Variants in SRP9 observed in about 807,000 individuals in gnomAD.
SRP9 encodes signal recognition particle 9.
A neutral mutation model predicts 11.7 loss-of-function variants in SRP9; 2 were observed. The ratio of observed to expected loss-of-function variants is 0.17; its 90% CI spans 0.07 to 0.54. SRP9 has a LOEUF of 0.54. Among genes scored for constraint, SRP9 ranks in the 20% least tolerant of loss-of-function variants. The pLI, the probability that SRP9 is intolerant of heterozygous loss-of-function variation, is 0.94. For synonymous variants in SRP9, 27 were observed against 35.6 expected (o/e 0.76, Z 0.86); for missense variants, 54 against 108.1 (o/e 0.50, Z 2.22).
chr1:225,783,997 A>G (rs1575953049), intron 2 of SRP9, among the ~76,000 whole-genome samples: 5 of 150,032 alleles, frequency 3.3e-5, no homozygotes, highest in African/African-American at 1.2e-4. Context: ...TTCTTTGCTG[A>G]TTGTTTTTTT....
intron 1 of SRP9, among the ~76,000 whole-genome samples, chr1:225,780,353 TG>T (rs1403784013): frequency 6.6e-6 from 1 of 151,472 alleles, no homozygotes; most frequent in African/African-American, 2.4e-5. Flanking sequence ...AGAGGATGAG[TG>T]TAGAGGAAGA....
At chr1:225,784,878 TC>T (rs1424060610) in intron 2 of SRP9, among the ~76,000 whole-genome samples, 1 of 152,046 alleles carries the variant, frequency 6.6e-6, no homozygotes, top group Non-Finnish European at 1.5e-5. Flanking sequence ...CTTCTTCTGT[TC>T]CTACCTTCCT....
chr1:225,782,101 C>T (rs889354091), intron 1 of SRP9, among the ~76,000 whole-genome samples: 4 of 151,956 alleles, frequency 2.6e-5, no homozygotes, highest in African/African-American at 9.7e-5. Flanking sequence ...AGATTGTAAC[C>T]ATTTTAAAAT....
Position 225,783,308 on chromosome 1 carries a change from G to A in SRP9, c.81G>A (p.Val27=), listed in dbSNP as rs1665835226. 2.5e-6 allele frequency: 4 copies of A among 1,611,590 alleles called. No homozygotes were observed. The highest frequency in any genetic ancestry group is 3.4e-6 in the Non-Finnish European group (4 of 1,178,540). Residue 27 remains valine, a synonymous_variant, in exon 2 of 3, where the codon GTG becomes GTA. Coordinates refer to ENST00000304786, the MANE Select transcript of SRP9 (RefSeq NM_003133.6). Reference sequence around the variant, plus strand: ...ATGTATTTTTGTTTCAGGCACGTGTGGTTCTCAAATATAGGCATTCTGATG... The same window carrying A: ...ATGTATTTTTGTTTCAGGCACGTGTAGTTCTCAAATATAGGCATTCTGATG... ...LYLADPMKAR[V]VLKYRHSDGN...
intron 2 of SRP9, chr1:225,786,753 TA>T (rs933129680): frequency 3.4e-6 from 4 of 1,183,324 alleles, no homozygotes; most frequent in Admixed American, 3.3e-5. Context: ...ATAGTGATAG[TA>T]AAAAAATATA....
chr1:225,783,144 T>C (rs1289059222), intron 1 of SRP9, among the ~76,000 whole-genome samples, 156 bp from the exon 2 acceptor site: 1 of 152,248 alleles, frequency 6.6e-6, no homozygotes, highest in African/African-American at 2.4e-5. Context: ...TGATTTTTTT[T>C]TTAACTTCAT....
Position 225,784,724 on chromosome 1 carries a change from C to T in SRP9, c.141+1356C>T, listed in dbSNP as rs551608402. Among the ~76,000 whole-genome samples, 697 of 151,770 alleles carry T rather than the reference C, an allele frequency of 4.6e-3. 1 individual carries two copies. The highest frequency in any genetic ancestry group is 0.01 in the Middle Eastern group (3 of 294). On this transcript the variant is annotated intron_variant, in intron 2 of 2. Transcript: ENST00000304786. ...AGGCATGGTGGCGGGCACCTGTAGT[C>T]CCAGCTACTCAGGAGGCTGAGGCAG...
intron 1 of SRP9, 112 bp downstream of exon 1, chr1:225,778,124 C>T: frequency 8.7e-7 from 1 of 1,151,172 alleles, no homozygotes; most frequent in South Asian, 1.4e-5. Context: ...GGAATGAACA[C>T]AAATGGACCC....
chr1:225,784,546 G>C (rs561806256), intron 2 of SRP9, among the ~76,000 whole-genome samples: 2 of 151,632 alleles, frequency 1.3e-5, no homozygotes, highest in East Asian at 4.0e-4. Context: ...ACCCCACCCG[G>C]CCTATCATCT....
chr1:225,789,216 A>G lies in SRP9; in HGVS notation c.142-24A>G. On this transcript the variant is annotated intron_variant, in intron 2 of 2. Transcript: ENST00000304786. ...CAGTATCTAGTTTTATATAGTTAAT[A>G]TGTACTTCTAAAATTTCTGACAGTG... 5 of 1,604,576 alleles carry G rather than the reference A, an allele frequency of 3.1e-6. No individual in the cohort carries two copies. In the South Asian group the frequency reaches 5.6e-5, roughly 18 times the overall value.
chr1:225,788,677 G>A (rs1665964463), intron 2 of SRP9, among the ~76,000 whole-genome samples: 1 of 152,104 alleles, frequency 6.6e-6, no homozygotes, highest in Non-Finnish European at 1.5e-5. Flanking sequence ...GCCTCCCAGA[G>A]TGCTGGGATT....
chr1:225,780,418 T>G (rs1234502101), intron 1 of SRP9, among the ~76,000 whole-genome samples: 1 of 151,780 alleles, frequency 6.6e-6, no homozygotes. Context: ...TTGTTCTTGT[T>G]GCCCAGGCTG....
intron 2 of SRP9, 49 bp from the exon 3 acceptor site, chr1:225,789,191 C>A: frequency 6.3e-7 from 1 of 1,580,998 alleles, no homozygotes; most frequent in South Asian, 1.1e-5. Flanking sequence ...TCTACATTGT[C>A]AGTATCTAGT....
intron 2 of SRP9, among the ~76,000 whole-genome samples, chr1:225,787,442 C>T (rs768573805): frequency 6.6e-6 from 1 of 151,958 alleles, no homozygotes; most frequent in Admixed American, 6.6e-5. Context: ...GCAGGAGAAT[C>T]GCTTGAACCT....
Position 225,790,111 on chromosome 1 carries a change from T to G in SRP9, c.*752T>G, listed in dbSNP as rs1484159852. The stretch of plus-strand genomic sequence containing the variant: ...ATTACAGAAATATTTACTACATATT[T>G]TCCATCTGTAGTTTCTCAGAAGGGC... On this transcript the variant is annotated 3_prime_UTR_variant, in exon 3 of 3. Coordinates refer to ENST00000304786, the MANE Select transcript of SRP9 (RefSeq NM_003133.6). 1 of 152,200 alleles carries G rather than the reference T, an allele frequency of 6.6e-6. No homozygotes were observed. The highest frequency in any genetic ancestry group is 1.5e-5 in the Non-Finnish European group (1 of 68,032). The allele number at this position is 152,200 out of a possible 1,614,324, so 9.4% of individuals were successfully genotyped here.
At chr1:225,782,685 G>T (rs1430517337) in intron 1 of SRP9, among the ~76,000 whole-genome samples, 1 of 152,212 alleles carries the variant, frequency 6.6e-6, no homozygotes, top group Non-Finnish European at 1.5e-5. Context: ...TTCAGTATAG[G>T]AGTTATTCTG....
At chr1:225,782,238 A>G (rs1423804713) in intron 1 of SRP9, among the ~76,000 whole-genome samples, 1 of 151,940 alleles carries the variant, frequency 6.6e-6, no homozygotes, top group African/African-American at 2.4e-5. Context: ...ATCTCGGCTC[A>G]CTGCAAGCTC....
chr1:225,781,582 T>C (rs1382179059), intron 1 of SRP9, among the ~76,000 whole-genome samples: 1 of 151,984 alleles, frequency 6.6e-6, no homozygotes, highest in East Asian at 1.9e-4. Flanking sequence ...GTATTTTTAG[T>C]AGAGACGGGG....
At chr1:225,778,822 C>T (rs949948012) in intron 1 of SRP9, among the ~76,000 whole-genome samples, 1 of 152,236 alleles carries the variant, frequency 6.6e-6, no homozygotes, top group Non-Finnish European at 1.5e-5. Context: ...CTTTTTAGAA[C>T]TCAGCATATT....
Sources: gnomAD v4.1 joint callset for allele counts (sites outside exome capture counted in the v4.1 genomes callset) on GRCh38, gnomAD v4.1.1 for gene constraint, MANE v1.5 for transcripts, NCBI Gene and HGNC (gene_info 2026-07-23, HGNC 2026-07-21) for gene names.